Variants in TNNI3 observed in about 807,000 individuals in gnomAD.
TNNI3 encodes troponin I3, cardiac type, also known as troponin I, cardiac muscle.
TNNI3 carries 23 observed loss-of-function variants against 31.5 expected under a neutral mutation model. The ratio of observed to expected loss-of-function variants is 0.73; its 90% CI spans 0.52 to 1.03. The LOEUF is 1.03. Ranked by LOEUF, TNNI3 falls within the 50% of genes least tolerant of loss-of-function variation. The pLI is 0.00. For missense variants in TNNI3, 236 were observed against 282.9 expected (o/e 0.83, Z 1.19); for synonymous variants, 120 against 111.7 (o/e 1.07, Z -0.47).
chr19:55,156,627 G>A lies in TNNI3; in HGVS notation c.126C>T (p.Ser42=). ...EPHAKKKSKI[S]ASRKLQLKTL... ...CCTTCAGCTGCAATTTTCTCGAGGCGGAGATCTTAGATTTTTTCTGCCAGG... is the reference window on the plus strand; with the variant it reads ...CCTTCAGCTGCAATTTTCTCGAGGCAGAGATCTTAGATTTTTTCTGCCAGG... Residue 42 remains serine, a synonymous_variant, in exon 4 of 8, where the codon TCC becomes TCT. Transcript: ENST00000344887. This position sits in a 1 kb window ranked among gnomAD's most constrained non-coding sequence, Gnocchi z 4.6. 1.9e-6 allele frequency: 3 copies of A among 1,565,600 alleles called. No individual in the cohort carries two copies. Among genetic ancestry groups the A allele is most frequent in the South Asian group, 1.2e-5 (1 of 85,456 alleles).
At position 55,154,737 on chromosome 19, in the gene TNNI3, C is replaced by T. The variant is rs1285163191; in HGVS notation, c.372+4G>A. ...AAGGTACCCGAGCTGCCCATGCGTCCCACCTCCGTGATGTTCTTGGTGACT... is the reference window on the plus strand; with the variant it reads ...AAGGTACCCGAGCTGCCCATGCGTCTCACCTCCGTGATGTTCTTGGTGACT... On this transcript the variant is annotated splice_donor_region_variant and intron_variant, in intron 6 of 7. Transcript: ENST00000344887. 1.2e-6 allele frequency: 2 copies of T among 1,613,946 alleles called. No individual in the cohort carries two copies. The highest frequency in any genetic ancestry group is 4.5e-5 in the East Asian group (2 of 44,890).
Position 55,154,155 on chromosome 19 carries a change from G to A in TNNI3, c.424C>T (p.Pro142Ser). The A allele has an allele frequency of 6.2e-7, 1 of 1,613,140 alleles. No homozygotes were observed. Among genetic ancestry groups the A allele is most frequent in the South Asian group, 1.1e-5 (1 of 91,076 alleles). ...IFDLRGKFKR[P>S]TLRRVRISAD... Reference sequence around the variant, plus strand: ...GAGATCCTCACTCTCCGCAGGGTGGGCCGCTTAAACTTGCCTCGAAGGTCA... The same window carrying A: ...GAGATCCTCACTCTCCGCAGGGTGGACCGCTTAAACTTGCCTCGAAGGTCA... Residue 142 changes from proline (P) to serine (S), a missense_variant, in exon 7 of 8, where the codon CCC (proline) becomes TCC (serine). Pro to Ser is a moderately conservative substitution (Grantham distance 74, BLOSUM62 -1). Transcript: ENST00000344887.
intron 6 of TNNI3, 123 bp downstream of exon 6, chr19:55,154,618 C>G (rs2085715288): frequency 1.2e-6 from 1 of 847,158 alleles, no homozygotes; most frequent in Non-Finnish European, 2.0e-6. Context: ...CCCTGCCAGG[C>G]TCACAGTTGT....
In TNNI3 at chr19:55,151,804, C is replaced by T; in HGVS notation, c.*30G>A. ...GAGAAGCTTTATTCCTCAGGGCCCTCCTCAGGGCAGGGGCAGTAGGCAGGA... is the reference window on the plus strand; with the variant it reads ...GAGAAGCTTTATTCCTCAGGGCCCTTCTCAGGGCAGGGGCAGTAGGCAGGA... On this transcript the variant is annotated 3_prime_UTR_variant, in exon 8 of 8. Coordinates refer to ENST00000344887, the MANE Select transcript of TNNI3 (RefSeq NM_000363.5). 1 of 1,603,126 alleles carries T rather than the reference C, an allele frequency of 6.2e-7. No homozygotes were observed. Among genetic ancestry groups the T allele is most frequent in the Non-Finnish European group, 8.5e-7 (1 of 1,170,078 alleles).
chr19:55,153,967 G>GT, intron 7 of TNNI3, 63 bp downstream of exon 7: 1 of 1,591,624 alleles, frequency 6.3e-7, no homozygotes, highest in Non-Finnish European at 8.6e-7. Context: ...TCAGGCCTAG[G>GT]GTTGTTGGCA....
Position 55,157,022 on chromosome 19 carries a change from A to C in TNNI3, c.108+28T>G. 6.4e-7 allele frequency: 1 copy of C among 1,563,134 alleles called. No homozygotes were observed. Among genetic ancestry groups the C allele is most frequent in the South Asian group, 1.2e-5 (1 of 85,358 alleles). On this transcript the variant is annotated intron_variant, in intron 3 of 7. Coordinates refer to ENST00000344887, the MANE Select transcript of TNNI3 (RefSeq NM_000363.5). The surrounding 1 kb of genome is among the most constrained non-coding windows in gnomAD (Gnocchi z 6.3). The stretch of plus-strand genomic sequence containing the variant: ...GGTCTTGGATCCCTCCGGCGCCTGT[A>C]CTCTGCCCCCAGGAAGCCCCGTCCC...
chr19:55,157,330 AG>A lies in TNNI3; in HGVS notation c.12-23del, dbSNP rs1402168423. The A allele has an allele frequency of 3.1e-6, 5 of 1,606,704 alleles. No individual in the cohort carries two copies. The highest frequency in any genetic ancestry group is 4.2e-6 in the Non-Finnish European group (5 of 1,179,172). On this transcript the variant is annotated intron_variant, in intron 1 of 7. Coordinates refer to ENST00000344887, the MANE Select transcript of TNNI3 (RefSeq NM_000363.5). The surrounding 1 kb of genome is among the most constrained non-coding windows in gnomAD (Gnocchi z 6.3). ...GCTCCTGGAAGGAGAGAAACCAAGG[AG>A]GGGGGTTAGTGGTGGGCTGTGTCCT...
chr19:55,157,170 G>T lies in TNNI3; in HGVS notation c.25-37C>A. 6.3e-7 allele frequency: 1 copy of T among 1,590,154 alleles called. No individual in the cohort carries two copies. The highest frequency in any genetic ancestry group is 8.6e-7 in the Non-Finnish European group (1 of 1,169,574). ...GGAGTGGGGACCCCATCACCACCAA[G>T]ACCCCACCCAGCCCTTACCGTACCG... On this transcript the variant is annotated intron_variant, in intron 2 of 7. Coordinates refer to ENST00000344887, the MANE Select transcript of TNNI3 (RefSeq NM_000363.5). This position sits in a 1 kb window ranked among gnomAD's most constrained non-coding sequence, Gnocchi z 6.3.
chr19:55,153,914 C>T, intron 7 of TNNI3, 116 bp downstream of exon 7: 1 of 1,160,564 alleles, frequency 8.6e-7, no homozygotes, highest in Non-Finnish European at 1.3e-6. Context: ...CTGAGGACCC[C>T]TTACTAGCTG....
In TNNI3 at chr19:55,157,059, C is replaced by T. The variant is rs2085737983; in HGVS notation, c.99G>A (p.Pro33=). The part of the protein sequence containing the change: ...SSNYRAYATE[P]HAKKKSKISA... ...GGAAGCCCCGTCCCACCTTGGCGTG[C>T]GGCTCCGTGGCATAAGCGCGGTAGT... Residue 33 remains proline, a synonymous_variant, in exon 3 of 8, where the codon CCG becomes CCA. Transcript: ENST00000344887. The surrounding 1 kb of genome is among the most constrained non-coding windows in gnomAD (Gnocchi z 6.3). 2.5e-6 allele frequency: 4 copies of T among 1,593,262 alleles called. No individual in the cohort carries two copies. Among genetic ancestry groups the T allele is most frequent in the African/African-American group, 1.3e-5 (1 of 74,942 alleles).
At position 55,156,186 on chromosome 19, in the gene TNNI3, C is replaced by T. The variant is rs746399429; in HGVS notation, c.282+15G>A. On this transcript the variant is annotated intron_variant, in intron 5 of 7. Coordinates refer to ENST00000344887, the MANE Select transcript of TNNI3 (RefSeq NM_000363.5). This position sits in a 1 kb window ranked among gnomAD's most constrained non-coding sequence, Gnocchi z 4.6. ...ATTCCGGGACTAGAAACCTCGCATC[C>T]TTGGGAGCCGGTACCTGCAGCTCCG... 4 of 1,612,762 alleles carry T rather than the reference C, an allele frequency of 2.5e-6. No individual in the cohort carries two copies. The South Asian group carries it at 3.3e-5, about 13-fold the overall frequency.
chr19:55,156,726 G>T lies in TNNI3; in HGVS notation c.109-82C>A. 5.4e-6 allele frequency: 8 copies of T among 1,470,086 alleles called. No homozygotes were observed. Among genetic ancestry groups the T allele is most frequent in the Non-Finnish European group, 6.5e-6 (7 of 1,073,232 alleles). The allele number at this position is 1,470,086 out of a possible 1,614,324, so 91.1% of individuals were successfully genotyped here. A position where few individuals can be genotyped will look rare whatever the true frequency, so the allele number is the denominator to read the frequency against. ...TGGAGGGGACCTCAAGACACCCCCA[G>T]CAAACCCAGCCGGTCCAGATTTGGG... is the stretch of plus-strand genomic sequence containing the variant. On this transcript the variant is annotated intron_variant, in intron 3 of 7. Coordinates refer to ENST00000344887, the MANE Select transcript of TNNI3 (RefSeq NM_000363.5). The surrounding 1 kb of genome is among the most constrained non-coding windows in gnomAD (Gnocchi z 4.6).
In TNNI3 at chr19:55,152,582, C is replaced by A. The variant is rs983741828; in HGVS notation, c.550-665G>T. On this transcript the variant is annotated intron_variant, in intron 7 of 7. Coordinates refer to ENST00000344887, the MANE Select transcript of TNNI3 (RefSeq NM_000363.5). The surrounding 1 kb of genome is among the most constrained non-coding windows in gnomAD (Gnocchi z 4.0). ...GCTATAAGATATTTTGAGAAAGAGA[C>A]CACATTCATGAGTTTTATTACAATC... Among the ~76,000 whole-genome samples, 1 of 152,140 alleles carries A rather than the reference C, an allele frequency of 6.6e-6. No individual in the cohort carries two copies. Among genetic ancestry groups the A allele is most frequent in the Non-Finnish European group, 1.5e-5 (1 of 68,036 alleles).
chr19:55,154,825 C>G lies in TNNI3; in HGVS notation c.288G>C (p.Leu96Phe), dbSNP rs1599909725. The change falls in exon 6 of 8, where the codon TTG becomes TTC. Residue 96 changes from leucine (L) to phenylalanine (F), a missense_variant. Leu to Phe is a conservative substitution (Grantham distance 22, BLOSUM62 0). This residue lies in a region of TNNI3 where 172 missense variants were observed against 171.8 expected (regional missense o/e 1.00). Transcript: ENST00000344887. Reference protein sequence around the residue: ...AGLGFAELQDLCRQLHARVDK... With the variant: ...AGLGFAELQDFCRQLHARVDK... ...CCACACGGGCGTGGAGCTGTCGGCA[C>G]AAGTCCTGGAGGAGGAACGTGGTGT... 1 of 1,614,192 alleles carries G rather than the reference C, an allele frequency of 6.2e-7. No individual in the cohort carries two copies. The highest frequency in any genetic ancestry group is 8.5e-7 in the Non-Finnish European group (1 of 1,179,998).
chr19:55,151,948 G>T (rs1428929510), intron 7 of TNNI3, 31 bp from the exon 8 acceptor site: 4 of 1,603,924 alleles, frequency 2.5e-6, no homozygotes, highest in Admixed American at 3.3e-5. Flanking sequence ...AGAGGTTAGG[G>T]TCTCTTCTTG....
Position 55,157,692 on chromosome 19 carries a change from G to T in TNNI3, c.-103C>A, listed in dbSNP as rs557391836. 1.4e-6 allele frequency: 2 copies of T among 1,396,300 alleles called. No homozygotes were observed. Among genetic ancestry groups the T allele is most frequent in the African/African-American group, 2.9e-5 (2 of 70,044 alleles). 86.5% of individuals were successfully genotyped at this position (1,396,300 alleles called of 1,614,324 possible). On this transcript the variant is annotated 5_prime_UTR_variant, in exon 1 of 8. Transcript: ENST00000344887. This position sits in a 1 kb window ranked among gnomAD's most constrained non-coding sequence, Gnocchi z 6.3. ...GGTGACCTTCAGGGTCCCAGGGACCGTCAGTCTCCTCCGGGCTGCTTGAGA... is the reference window on the plus strand; with the variant it reads ...GGTGACCTTCAGGGTCCCAGGGACCTTCAGTCTCCTCCGGGCTGCTTGAGA...
In TNNI3 at chr19:55,154,826, A is replaced by C; in HGVS notation, c.287T>G (p.Leu96Trp). The C allele has an allele frequency of 1.2e-6, 2 of 1,614,106 alleles. No homozygotes were observed. The highest frequency in any genetic ancestry group is 1.7e-6 in the Non-Finnish European group (2 of 1,179,974). The change falls in exon 6 of 8, where the codon TTG becomes TGG. Residue 96 changes from leucine to tryptophan, a missense_variant. This residue lies in a region of TNNI3 where 172 missense variants were observed against 171.8 expected (regional missense o/e 1.00). Coordinates refer to ENST00000344887, the MANE Select transcript of TNNI3 (RefSeq NM_000363.5). ...CACACGGGCGTGGAGCTGTCGGCAC[A>C]AGTCCTGGAGGAGGAACGTGGTGTG... The part of the protein sequence containing the change: ...AGLGFAELQD[L>W]CRQLHARVDK...
At chr19:55,154,947 G>T in intron 5 of TNNI3, 117 bp from the exon 6 acceptor site, 1 of 848,824 alleles carries the variant, frequency 1.2e-6, no homozygotes, top group Middle Eastern at 2.2e-4. Flanking sequence ...GGGAGGAGAA[G>T]GGGCTGGGGG....
chr19:55,152,074 A>T lies in TNNI3; in HGVS notation c.550-157T>A, dbSNP rs114949974. Among the ~76,000 whole-genome samples, 1,223 of 151,958 alleles carry T rather than the reference A, an allele frequency of 8.0e-3. 19 individuals are homozygous for T. The highest frequency in any genetic ancestry group is 0.028 in the African/African-American group (1,159 of 41,422). On this transcript the variant is annotated intron_variant, in intron 7 of 7. Coordinates refer to ENST00000344887, the MANE Select transcript of TNNI3 (RefSeq NM_000363.5). The surrounding 1 kb of genome is among the most constrained non-coding windows in gnomAD (Gnocchi z 4.0). ...CTGTCTTTTCAAGATAATCCCTGCC[A>T]ATTTTCCCCATGCACTTCCTGTCTC...
Sources: gnomAD v4.1 joint callset for allele counts (sites outside exome capture counted in the v4.1 genomes callset) on GRCh38, gnomAD v4.1.1 for gene constraint, gnomAD v4.1.1 regional missense constraint, Gnocchi (gnomAD v3.1) non-coding constraint, MANE v1.5 for transcripts, NCBI Gene and HGNC (gene_info 2026-07-23, HGNC 2026-07-21) for gene names.